Variants in CDH2 observed in about 807,000 individuals in gnomAD.
CDH2 encodes the protein cadherin-2.
Under a neutral mutation model 92.0 loss-of-function variants are expected in CDH2, and 17 were observed. That is an observed-to-expected ratio of 0.18 (90% CI 0.13 to 0.28). CDH2 has a LOEUF of 0.28. Ranked by LOEUF, CDH2 falls within the 10% of genes least tolerant of loss-of-function variation. The pLI is 1.00. For missense variants in CDH2, 862 were observed against 1,133.1 expected (o/e 0.76, Z 3.44); for synonymous variants, 419 against 415.9 (o/e 1.01, Z -0.09).
At chr18:28,147,224 A>G (rs146351926) in intron 2 of CDH2, among the ~76,000 whole-genome samples, 2 of 152,196 alleles carry the variant, frequency 1.3e-5, no homozygotes, top group East Asian at 1.9e-4. Context: ...AATTCATTCA[A>G]TGTAATTCAG....
chr18:28,003,239 TTA>T, intron 6 of CDH2, 70 bp from the exon 7 acceptor site: 2 of 1,218,450 alleles, frequency 1.6e-6, no homozygotes, highest in Non-Finnish European at 2.3e-6. Flanking sequence ...GAAGGTATAT[TTA>T]TTGTTTTGAT....
At chr18:28,154,603 T>C (rs113115723) in intron 1 of CDH2, among the ~76,000 whole-genome samples, 5 of 152,216 alleles carry the variant, frequency 3.3e-5, no homozygotes, top group African/African-American at 1.2e-4. Flanking sequence ...CTTGTTCAAA[T>C]TTTTCCACGG....
chr18:28,066,535 A>C (rs561797760), intron 2 of CDH2, among the ~76,000 whole-genome samples: 1 of 151,678 alleles, frequency 6.6e-6, no homozygotes, highest in South Asian at 2.1e-4. Flanking sequence ...CAAAGGCAAA[A>C]CTCTCCTTTT....
Position 28,082,283 on chromosome 18 carries a change from CACTT to C in CDH2, c.172+65386_172+65389del, listed in dbSNP as rs200323863. Among the ~76,000 whole-genome samples, 1,458 of 152,120 alleles carry C rather than the reference CACTT, an allele frequency of 9.6e-3. 32 individuals are homozygous for C. The highest frequency in any genetic ancestry group is 0.034 in the African/African-American group (1,397 of 41,500). On this transcript the variant is annotated intron_variant, in intron 2 of 15. Coordinates refer to ENST00000269141, the MANE Select transcript of CDH2 (RefSeq NM_001792.5). ...ACGATTAGCTGAGTGTAGTGGCTCA[CACTT>C]ACATTCCCAGTTACTCTGGAGGCTG...
chr18:28,037,670 T>C (rs1458805632), intron 2 of CDH2, among the ~76,000 whole-genome samples: 1 of 152,038 alleles, frequency 6.6e-6, no homozygotes, highest in Non-Finnish European at 1.5e-5. Flanking sequence ...AAGGAATTCA[T>C]ACAAGAAAAA....
chr18:28,137,628 G>A (rs866572527), intron 2 of CDH2, among the ~76,000 whole-genome samples: 5 of 152,136 alleles, frequency 3.3e-5, no homozygotes, highest in African/African-American at 7.2e-5. Flanking sequence ...TCAAATGTCC[G>A]AACACCATAA....
intron 2 of CDH2, among the ~76,000 whole-genome samples, chr18:28,064,537 C>CA (rs1237076565): frequency 3.3e-5 from 5 of 150,786 alleles, no homozygotes; most frequent in African/African-American, 1.2e-4. Context: ...ACAAGAGTGG[C>CA]AAAATAAGAA....
chr18:27,973,012 A>C (rs930785613), intron 14 of CDH2, among the ~76,000 whole-genome samples: 1 of 152,206 alleles, frequency 6.6e-6, no homozygotes, highest in African/African-American at 2.4e-5. Flanking sequence ...AAGTATAGGC[A>C]GTTCAAAATG....
At chr18:28,161,377 G>A (rs1213151273) in intron 1 of CDH2, among the ~76,000 whole-genome samples, 6 of 151,942 alleles carry the variant, frequency 3.9e-5, no homozygotes, top group African/African-American at 1.5e-4. Flanking sequence ...TCAGGAGTTC[G>A]AGACCAGCCT....
chr18:28,034,699 CA>C (rs1474813935), intron 2 of CDH2, among the ~76,000 whole-genome samples: 1 of 149,112 alleles, frequency 6.7e-6, no homozygotes, highest in African/African-American at 2.6e-5. Flanking sequence ...AAAACAAAAA[CA>C]AAAACAAAAC....
chr18:28,136,328 C>T (rs1011048309), intron 2 of CDH2, among the ~76,000 whole-genome samples: 13 of 151,168 alleles, frequency 8.6e-5, no homozygotes, highest in Non-Finnish European at 1.6e-4. Flanking sequence ...GAAGGAGGAG[C>T]TTTCAGGTCT....
At chr18:27,962,507 A>T (rs574951059) in intron 15 of CDH2, among the ~76,000 whole-genome samples, 2 of 152,206 alleles carry the variant, frequency 1.3e-5, no homozygotes, top group Non-Finnish European at 2.9e-5. Flanking sequence ...ACTGAAGGCC[A>T]TATCCAACAG....
At chr18:28,138,040 ATGTGTGTGTG>A (rs748336586) in intron 2 of CDH2, among the ~76,000 whole-genome samples, 1 of 150,082 alleles carries the variant, frequency 6.7e-6, no homozygotes, top group Non-Finnish European at 1.5e-5. Context: ...GTGTGTCTGG[ATGTGTGTGTG>A]TGTGTGTGAA....
At chr18:27,942,932 T>C (rs1197576612) in intron 6 of CDH2, among the ~76,000 whole-genome samples, 1 of 152,062 alleles carries the variant, frequency 6.6e-6, no homozygotes, top group Non-Finnish European at 1.5e-5. Context: ...TCAAGGAACT[T>C]AGTGAGTATA....
At position 28,098,311 on chromosome 18, in the gene CDH2, G is replaced by A. The variant is rs1213577526; in HGVS notation, c.172+49362C>T. ...AATTTTTGAAAAAATAAAATAACTG[G>A]AGTTATTCTTATCATTTGCAGTAGT... is the stretch of plus-strand genomic sequence containing the variant. On this transcript the variant is annotated intron_variant, in intron 2 of 15. Coordinates refer to ENST00000269141, the MANE Select transcript of CDH2 (RefSeq NM_001792.5). Among the ~76,000 whole-genome samples the A allele has an allele frequency of 8.6e-5, 13 of 151,510 alleles. 1 individual carries two copies. The highest frequency in any genetic ancestry group is 8.6e-4 in the Admixed American group (13 of 15,156).
At chr18:27,963,771 A>G (rs2011469767) in intron 14 of CDH2, 1 of 450,314 alleles carries the variant, frequency 2.2e-6, no homozygotes, top group Non-Finnish European at 4.0e-6. Context: ...TTCCAATGAA[A>G]AACAGCAGTG....
At chr18:27,982,190 G>A (rs1224586779) in intron 14 of CDH2, among the ~76,000 whole-genome samples, 2 of 151,716 alleles carry the variant, frequency 1.3e-5, no homozygotes, top group African/African-American at 4.8e-5. Flanking sequence ...TGCCTGACAT[G>A]TAGTATAGAG....
chr18:27,967,666 G>A lies in CDH2; in HGVS notation c.2350-4145C>T, dbSNP rs2011563296. ...TACTTCATTTTAATGTTTGGAATATGTGTTAATTGGCAATCATCATTAAAA... is the reference window on the plus strand; with the variant it reads ...TACTTCATTTTAATGTTTGGAATATATGTTAATTGGCAATCATCATTAAAA... On this transcript the variant is annotated intron_variant, in intron 14 of 15. Coordinates refer to ENST00000269141, the MANE Select transcript of CDH2 (RefSeq NM_001792.5). Among the ~76,000 whole-genome samples the A allele has an allele frequency of 2.0e-5, 3 of 152,184 alleles. No individual in the cohort carries two copies. The South Asian group carries it at 6.2e-4, about 31-fold the overall frequency.
chr18:28,021,425 A>T (rs935794249), intron 2 of CDH2, among the ~76,000 whole-genome samples: 1 of 151,944 alleles, frequency 6.6e-6, no homozygotes, highest in African/African-American at 2.4e-5. Context: ...GATCCTCTGG[A>T]TTAATTAAGT....
Sources: gnomAD v4.1 joint callset for allele counts (sites outside exome capture counted in the v4.1 genomes callset) on GRCh38, gnomAD v4.1.1 for gene constraint, MANE v1.5 for transcripts, NCBI Gene and HGNC (gene_info 2026-07-23, HGNC 2026-07-21) for gene names.